LPP: variants seen among roughly 807,000 people sequenced by gnomAD.
LPP encodes the protein lipoma-preferred partner.
In LPP, 38 loss-of-function variants were observed where a neutral mutation model predicts 60.4. The observed-to-expected ratio is 0.63, with a 90% CI of 0.49 to 0.83. The LOEUF is 0.83. LPP is among the 40% of genes least tolerant of loss of function. The probability of loss-of-function intolerance (pLI) is 0.00; values close to 1 mark genes in which losing one functional copy is unlikely to be tolerated. For missense variants in LPP, 902 were observed against 783.6 expected (o/e 1.15, Z -1.80); for synonymous variants, 328 against 290.8 (o/e 1.13, Z -1.30).
At position 188,840,546 on chromosome 3, in the gene LPP, T is replaced by C. The variant is rs1237202720; in HGVS notation, c.1411-25654T>C. Among the ~76,000 whole-genome samples, 5 of 152,212 alleles carry C rather than the reference T, an allele frequency of 3.3e-5. No homozygotes were observed. In the South Asian group the frequency reaches 1.0e-3, roughly 31 times the overall value. ...CAGAGTCTTGCTCTCTTTCCCGGGC[T>C]GGAGTGCAGTGGTGCAATCATGGAT... On this transcript the variant is annotated intron_variant, in intron 9 of 11. Coordinates refer to ENST00000617246, the MANE Select transcript of LPP (RefSeq NM_001375462.1).
chr3:188,757,891 T>TTTTTTTG (rs539623299), intron 8 of LPP, among the ~76,000 whole-genome samples: 51 of 142,966 alleles, frequency 3.6e-4, no homozygotes, highest in South Asian at 9.0e-4. Context: ...TTTTTTTGGT[T>TTTTTTTG]TTTTTTTTTT....
chr3:188,530,720 G>A (rs936692500), intron 6 of LPP, among the ~76,000 whole-genome samples: 1 of 152,146 alleles, frequency 6.6e-6, no homozygotes, highest in Non-Finnish European at 1.5e-5. Context: ...TTCTTTTATG[G>A]CGTCTTCTTT....
At chr3:188,744,796 G>GT in intron 8 of LPP, among the ~76,000 whole-genome samples, 1 of 152,030 alleles carries the variant, frequency 6.6e-6, no homozygotes, top group South Asian at 2.1e-4. Context: ...CTTGAAACTG[G>GT]TATCTTCCTG....
chr3:188,806,246 A>G lies in LPP; in HGVS notation c.1410+45964A>G, dbSNP rs536930312. Among the ~76,000 whole-genome samples the G allele has an allele frequency of 3.6e-4, 54 of 151,938 alleles. 1 individual carries two copies. Among genetic ancestry groups the G allele is most frequent in the African/African-American group, 1.3e-3 (53 of 41,542 alleles). ...ATGGTTTTTGTTTTAATGTATTTTG[A>G]AGCCATACTGTTAAGTGCACATACA... On this transcript the variant is annotated intron_variant, in intron 9 of 11. Transcript: ENST00000617246.
Position 188,590,577 on chromosome 3 carries a change from A to T in LPP, c.430-18584A>T, listed in dbSNP as rs370593728. 4.6e-5 allele frequency among the ~76,000 whole-genome samples: 7 copies of T among 151,698 alleles called. No individual in the cohort carries two copies. In the East Asian group the frequency reaches 1.2e-3, roughly 25 times the overall value. On this transcript the variant is annotated intron_variant, in intron 6 of 11. Coordinates refer to ENST00000617246, the MANE Select transcript of LPP (RefSeq NM_001375462.1). ...CAACACAGCAAGGCTGTGTTTAAAAAAATAAAAAGACATAATTGCAAAAGA... is the reference window on the plus strand; with the variant it reads ...CAACACAGCAAGGCTGTGTTTAAAATAATAAAAAGACATAATTGCAAAAGA...
intron 8 of LPP, among the ~76,000 whole-genome samples, chr3:188,719,387 A>G (rs1158637524): frequency 1.3e-5 from 2 of 152,210 alleles, no homozygotes; most frequent in African/African-American, 4.8e-5. Context: ...AAGCCTCTTC[A>G]AGACTGTGAA....
chr3:188,615,473 C>A (rs1844664089), intron 7 of LPP, among the ~76,000 whole-genome samples: 1 of 152,216 alleles, frequency 6.6e-6, no homozygotes, highest in South Asian at 2.1e-4. Context: ...TTCCTGTCTT[C>A]TATCAACCTA....
chr3:188,401,394 A>G (rs1045732596), intron 3 of LPP, among the ~76,000 whole-genome samples: 4 of 152,080 alleles, frequency 2.6e-5, no homozygotes, highest in Admixed American at 2.6e-4. Flanking sequence ...TCACAGTATT[A>G]TTTCTAATCT....
At chr3:188,653,965 T>C (rs1580718324) in intron 7 of LPP, among the ~76,000 whole-genome samples, 1 of 152,144 alleles carries the variant, frequency 6.6e-6, no homozygotes, top group Non-Finnish European at 1.5e-5. Context: ...TAGAATAGGG[T>C]AAAGGATTAT....
At chr3:188,366,124 G>A (rs1337816252) in intron 3 of LPP, among the ~76,000 whole-genome samples, 1 of 152,184 alleles carries the variant, frequency 6.6e-6, no homozygotes, top group East Asian at 1.9e-4. Context: ...ATATCAGTGA[G>A]GTCACGCAGT....
At chr3:188,552,903 G>T (rs1298065731) in intron 6 of LPP, among the ~76,000 whole-genome samples, 1 of 152,166 alleles carries the variant, frequency 6.6e-6, no homozygotes, top group Admixed American at 6.5e-5. Context: ...GCGGGGTGGG[G>T]AGGGCTGTTC....
intron 8 of LPP, among the ~76,000 whole-genome samples, chr3:188,745,082 C>G (rs1487263218): frequency 6.6e-6 from 1 of 152,054 alleles, no homozygotes; most frequent in Non-Finnish European, 1.5e-5. Context: ...ATCAGCATCC[C>G]TCCCCCAATT....
At chr3:188,755,749 G>A (rs1729931502) in intron 8 of LPP, among the ~76,000 whole-genome samples, 1 of 140,260 alleles carries the variant, frequency 7.1e-6, no homozygotes, top group Non-Finnish European at 1.5e-5. Flanking sequence ...GTTCAAGGGT[G>A]TAGTGAACCA....
chr3:188,679,194 C>A (rs1329431946), intron 7 of LPP, among the ~76,000 whole-genome samples: 1 of 152,204 alleles, frequency 6.6e-6, no homozygotes, highest in Non-Finnish European at 1.5e-5. Context: ...CTACTAACTG[C>A]ATAGGCACCT....
chr3:188,261,758 AT>A (rs1577659170), intron 2 of LPP, among the ~76,000 whole-genome samples: 1 of 145,778 alleles, frequency 6.9e-6, no homozygotes, highest in East Asian at 2.1e-4. Flanking sequence ...AAAAAAAAAA[AT>A]ATATATTAGC....
At chr3:188,190,568 A>G (rs1002159472) in intron 1 of LPP, among the ~76,000 whole-genome samples, 17 of 152,240 alleles carry the variant, frequency 1.1e-4, no homozygotes, top group Admixed American at 1.1e-3. Context: ...TGGTCTCATA[A>G]GTGCTTGCAT....
At chr3:188,834,177 A>G (rs1417924198) in intron 9 of LPP, among the ~76,000 whole-genome samples, 2 of 152,086 alleles carry the variant, frequency 1.3e-5, no homozygotes, top group African/African-American at 2.4e-5. Flanking sequence ...TGCACACTCT[A>G]TTCTCCTGCC....
intron 2 of LPP, among the ~76,000 whole-genome samples, chr3:188,269,037 A>G (rs9811003): frequency 0.11 from 17,327 of 152,222 alleles, 1,342 homozygotes; most frequent in African/African-American, 0.21. Flanking sequence ...CCAGGGGTCT[A>G]TCAGTATAGG....
At chr3:188,604,276 T>C (rs1580325139) in intron 6 of LPP, among the ~76,000 whole-genome samples, 1 of 152,282 alleles carries the variant, frequency 6.6e-6, no homozygotes, top group East Asian at 1.9e-4. Context: ...GGATTTGTGG[T>C]ATTGTGTTTA....
Sources: gnomAD v4.1 joint callset for allele counts (sites outside exome capture counted in the v4.1 genomes callset) on GRCh38, gnomAD v4.1.1 for gene constraint, MANE v1.5 for transcripts, NCBI Gene and HGNC (gene_info 2026-07-23, HGNC 2026-07-21) for gene names.